The following GABRB1 variants were observed in gnomAD, a reference collection of about 807,000 sequenced individuals.
GABRB1 encodes gamma-aminobutyric acid type A receptor subunit beta1.
Under a neutral mutation model 51.6 loss-of-function variants are expected in GABRB1, and 17 were observed. The ratio of observed to expected loss-of-function variants is 0.33; its 90% CI spans 0.23 to 0.49. GABRB1 has a LOEUF of 0.49. Ranked by LOEUF, GABRB1 falls within the 20% of genes least tolerant of loss-of-function variation. The pLI is 0.99. For missense variants in GABRB1, 410 were observed against 600.6 expected, an observed-to-expected ratio of 0.68 and a Z score of 3.32; for synonymous variants, 247 against 218.9, an observed-to-expected ratio of 1.13 and a Z score of -1.14.
chr4:47,134,129 TC>T (rs1716540397), intron 3 of GABRB1, among the ~76,000 whole-genome samples: 1 of 152,222 alleles, frequency 6.6e-6, no homozygotes, highest in Non-Finnish European at 1.5e-5. Flanking sequence ...AAAAGTCTTT[TC>T]TTCTAGGTTT....
intron 3 of GABRB1, among the ~76,000 whole-genome samples, chr4:47,103,198 T>G (rs1419393251): frequency 6.6e-6 from 1 of 152,016 alleles, no homozygotes; most frequent in Non-Finnish European, 1.5e-5. Flanking sequence ...TATATAAAAA[T>G]TATGAATATA....
chr4:47,197,531 C>T (rs1297135176), intron 4 of GABRB1, among the ~76,000 whole-genome samples: 3 of 152,194 alleles, frequency 2.0e-5, no homozygotes, highest in Admixed American at 6.5e-5. Flanking sequence ...TTCATTTCCT[C>T]GGGCTGAAAC....
intron 5 of GABRB1, among the ~76,000 whole-genome samples, chr4:47,370,982 G>T (rs1376599969): frequency 6.6e-6 from 1 of 151,290 alleles, no homozygotes. Flanking sequence ...GTGCAGGTTT[G>T]TTACATAGGT....
intron 4 of GABRB1, among the ~76,000 whole-genome samples, chr4:47,306,852 C>G (rs1232061039): frequency 6.6e-6 from 1 of 152,086 alleles, no homozygotes; most frequent in Non-Finnish European, 1.5e-5. Context: ...TGTATATGCA[C>G]TAGAGGTGTG....
At chr4:47,124,608 T>A (rs969908490) in intron 3 of GABRB1, among the ~76,000 whole-genome samples, 7 of 152,054 alleles carry the variant, frequency 4.6e-5, no homozygotes, top group African/African-American at 1.7e-4. Context: ...GACAGAAAAC[T>A]CAGTGAAATC....
At chr4:47,022,532 A>C (rs781400088) in intron 1 of GABRB1, among the ~76,000 whole-genome samples, 9 of 152,122 alleles carry the variant, frequency 5.9e-5, no homozygotes, top group Non-Finnish European at 1.2e-4. Flanking sequence ...ATTTCATCAG[A>C]ATATGACTAA....
chr4:47,088,958 C>T (rs904406348), intron 3 of GABRB1, among the ~76,000 whole-genome samples: 4 of 152,146 alleles, frequency 2.6e-5, no homozygotes, highest in African/African-American at 9.7e-5. Context: ...GTCTTGTGTG[C>T]AAATCAGGGA....
chr4:47,381,686 A>G (rs1007157015), intron 5 of GABRB1, among the ~76,000 whole-genome samples: 2 of 152,192 alleles, frequency 1.3e-5, no homozygotes, highest in African/African-American at 2.4e-5. Flanking sequence ...ACCCAGCTTG[A>G]AGGGTCAGAG....
chr4:47,334,980 T>A (rs1038779804), intron 5 of GABRB1, among the ~76,000 whole-genome samples: 10 of 152,176 alleles, frequency 6.6e-5, no homozygotes, highest in South Asian at 2.1e-4. Flanking sequence ...GAGTGATGAA[T>A]CACCTCTCTA....
chr4:47,423,916 T>C (rs13138813), intron 8 of GABRB1, among the ~76,000 whole-genome samples: 71,676 of 151,932 alleles, frequency 0.47, 18,543 homozygotes, highest in African/African-American at 0.7. Context: ...ATAAATTACA[T>C]AGTAGAATTC....
chr4:47,370,748 T>C (rs1285358888), intron 5 of GABRB1, among the ~76,000 whole-genome samples: 1 of 152,138 alleles, frequency 6.6e-6, no homozygotes, highest in Non-Finnish European at 1.5e-5. Context: ...TTTCAGGGTT[T>C]ACAGTAAGTA....
intron 1 of GABRB1, among the ~76,000 whole-genome samples, chr4:47,008,930 C>A (rs1724502519): frequency 8.6e-6 from 1 of 116,848 alleles, no homozygotes; most frequent in African/African-American, 3.3e-5. Flanking sequence ...GTGGCGTGAT[C>A]TCAGCTCACT....
chr4:47,213,371 G>GA lies in GABRB1; in HGVS notation c.461+51907dup, dbSNP rs564569858. On this transcript the variant is annotated intron_variant, in intron 4 of 8. Transcript: ENST00000295454. ...TTTTCTGACAAATTTCAAATCCACA[G>GA]AAAAAGTTCAAAGTTCAGTGTGAGA... Among the ~76,000 whole-genome samples, 771 of 152,098 alleles carry GA rather than the reference G, an allele frequency of 5.1e-3. 1 individual carries two copies. Among genetic ancestry groups the GA allele is most frequent in the Middle Eastern group, 0.01 (3 of 294 alleles).
At chr4:47,123,898 AATATATTATATATTAATATATG>A (rs1256184964) in intron 3 of GABRB1, among the ~76,000 whole-genome samples, 1 of 55,020 alleles carries the variant, frequency 1.8e-5, no homozygotes, top group Non-Finnish European at 4.5e-5. Context: ...TATAATATAT[AATATATTATATATTAATATATG>A]ATATATAATA....
At chr4:47,098,844 AC>A (rs1242467430) in intron 3 of GABRB1, among the ~76,000 whole-genome samples, 1 of 152,008 alleles carries the variant, frequency 6.6e-6, no homozygotes, top group African/African-American at 2.4e-5. Flanking sequence ...TTCCATAATA[AC>A]CTCGAGTAGA....
intron 3 of GABRB1, among the ~76,000 whole-genome samples, chr4:47,048,967 A>G (rs1276299732): frequency 1.3e-5 from 2 of 152,020 alleles, no homozygotes; most frequent in Admixed American, 6.6e-5. Flanking sequence ...AACAAGCCAT[A>G]AGGAAGGAAA....
At position 47,425,970 on chromosome 4, in the gene GABRB1, C is replaced by T. The variant is rs1246930498; in HGVS notation, c.1377C>T (p.Ile459=). 6.2e-7 allele frequency: 1 copy of T among 1,610,426 alleles called. No homozygotes were observed. Among genetic ancestry groups the T allele is most frequent in the Non-Finnish European group, 8.5e-7 (1 of 1,177,556 alleles). ...IDKWSRMFFP[I]TFSLFNVVYW... is the part of the protein sequence containing the mutation. ...AGTGGTCCCGAATGTTTTTCCCCAT[C>T]ACCTTTTCTCTTTTTAATGTCGTCT... The change falls in exon 9 of 9, where the codon ATC becomes ATT. Residue 459 remains isoleucine (I), a synonymous_variant. Transcript: ENST00000295454.
chr4:46,999,351 A>G (rs543356310), intron 1 of GABRB1, among the ~76,000 whole-genome samples: 1 of 152,222 alleles, frequency 6.6e-6, no homozygotes, highest in African/African-American at 2.4e-5. Context: ...TAAGTTTAAC[A>G]TATTCATACC....
At chr4:47,362,468 TGATG>T (rs1726843237) in intron 5 of GABRB1, among the ~76,000 whole-genome samples, 5 of 152,308 alleles carry the variant, frequency 3.3e-5, no homozygotes, top group Admixed American at 3.3e-4. Context: ...TCTAGGCTAT[TGATG>T]TGATTCTCAC....
Sources: allele counts gnomAD v4.1 joint callset (sites outside exome capture counted in the v4.1 genomes callset), GRCh38; gene constraint gnomAD v4.1.1; transcripts MANE v1.5; gene names NCBI Gene and HGNC (gene_info 2026-07-23, HGNC 2026-07-21).